OR6N1: variants seen among roughly 807,000 people sequenced by gnomAD.
The protein encoded by OR6N1 is olfactory receptor 6N1.
For synonymous variants in OR6N1, 170 were observed against 150.7 expected (o/e 1.13, Z -0.94); for missense variants, 394 against 371.7 (o/e 1.06, Z -0.49).
the OR6N1 span, among the ~76,000 whole-genome samples, chr1:158,779,461 G>C: frequency 6.6e-6 from 1 of 152,188 alleles, no homozygotes; most frequent in Non-Finnish European, 1.5e-5. Context: ...TTAATAATTA[G>C]TAGACCAATA....
At chr1:158,802,796 T>A in the OR6N1 span, among the ~76,000 whole-genome samples, 5 of 152,326 alleles carry the variant, frequency 3.3e-5, no homozygotes, top group South Asian at 1.0e-3. Context: ...TTACTTACAT[T>A]ATCACTACCA....
chr1:158,786,433 A>G, the OR6N1 span, among the ~76,000 whole-genome samples: 7 of 152,352 alleles, frequency 4.6e-5, no homozygotes, highest in African/African-American at 1.7e-4. Flanking sequence ...AAAAAACAGT[A>G]GGGAGATTCC....
chr1:158,802,961 A>G, the OR6N1 span, among the ~76,000 whole-genome samples: 1 of 152,164 alleles, frequency 6.6e-6, no homozygotes, highest in East Asian at 1.9e-4. Flanking sequence ...ACTTAGATGG[A>G]TATGGAGTCC....
At chr1:158,787,635 T>TCTCTCTCACACACACACACACA in the OR6N1 span, among the ~76,000 whole-genome samples, 320 of 134,172 alleles carry the variant, frequency 2.4e-3, 3 homozygotes, top group Admixed American at 4.4e-3. Context: ...TCTCTCTCTC[T>TCTCTCTCACACACACACACACA]CACACACACA....
chr1:158,822,187 G>C, the OR6N1 span, among the ~76,000 whole-genome samples: 1 of 152,072 alleles, frequency 6.6e-6, no homozygotes, highest in Non-Finnish European at 1.5e-5. Flanking sequence ...GGCTATTTGG[G>C]CTCTTTTTTG....
At chr1:158,818,322 G>A in the OR6N1 span, among the ~76,000 whole-genome samples, 9 of 152,140 alleles carry the variant, frequency 5.9e-5, no homozygotes, top group Non-Finnish European at 7.3e-5. Context: ...TTCTACTAAC[G>A]TTGGCAGTGG....
At chr1:158,792,766 G>A in the OR6N1 span, among the ~76,000 whole-genome samples, 1 of 152,130 alleles carries the variant, frequency 6.6e-6, no homozygotes, top group Non-Finnish European at 1.5e-5. Context: ...TAGTCTGATA[G>A]GTTTTCTTTT....
chr1:158,791,497 G>T, the OR6N1 span, among the ~76,000 whole-genome samples: 1 of 142,204 alleles, frequency 7.0e-6, no homozygotes, highest in African/African-American at 2.6e-5. Context: ...TTGAGACAGA[G>T]TCTCACTCTG....
the OR6N1 span, among the ~76,000 whole-genome samples, chr1:158,825,772 T>A: frequency 6.6e-6 from 1 of 152,328 alleles, no homozygotes; most frequent in African/African-American, 2.4e-5. Flanking sequence ...ATCCCATTAT[T>A]GGGTACATAC....
chr1:158,800,735 T>A, the OR6N1 span, among the ~76,000 whole-genome samples: 1 of 152,220 alleles, frequency 6.6e-6, no homozygotes, highest in African/African-American at 2.4e-5. Context: ...CATTTCAACA[T>A]CATTTTTCAA....
the OR6N1 span, among the ~76,000 whole-genome samples, chr1:158,780,481 C>T: frequency 6.6e-6 from 1 of 152,140 alleles, no homozygotes; most frequent in South Asian, 2.1e-4. Context: ...TGCTCCTCGA[C>T]TTACAAAGGG....
upstream of OR6N1, chr1:158,777,098 C>T: frequency 6.2e-7 from 1 of 1,614,092 alleles, no homozygotes; most frequent in Non-Finnish European, 8.5e-7. Context: ...GGTGGAAAGT[C>T]ACAGAAAATG....
chr1:158,806,656 T>C, the OR6N1 span, among the ~76,000 whole-genome samples: 1 of 152,192 alleles, frequency 6.6e-6, no homozygotes, highest in African/African-American at 2.4e-5. Flanking sequence ...AAATACTTAG[T>C]ATGTGTTATT....
the OR6N1 span, among the ~76,000 whole-genome samples, chr1:158,806,530 C>T: frequency 6.6e-6 from 1 of 152,138 alleles, no homozygotes; most frequent in East Asian, 1.9e-4. Context: ...TGCATATGAT[C>T]ACACAGCAAA....
the OR6N1 span, among the ~76,000 whole-genome samples, chr1:158,818,391 G>A: frequency 6.6e-6 from 1 of 152,266 alleles, no homozygotes; most frequent in Middle Eastern, 3.4e-3. Context: ...ATTTAAAAAA[G>A]GGTCAATTTT....
At chr1:158,835,399 T>C in the OR6N1 span, among the ~76,000 whole-genome samples, 7 of 152,096 alleles carry the variant, frequency 4.6e-5, no homozygotes, top group Non-Finnish European at 8.8e-5. Context: ...TTAATTTCCT[T>C]TTTGTTCGTT....
At chr1:158,833,060 T>G in the OR6N1 span, among the ~76,000 whole-genome samples, 10 of 152,220 alleles carry the variant, frequency 6.6e-5, no homozygotes, top group African/African-American at 2.2e-4. Flanking sequence ...CATCTTCTGG[T>G]CCCCCAAACA....
At chr1:158,828,811 C>T in the OR6N1 span, among the ~76,000 whole-genome samples, 5 of 152,232 alleles carry the variant, frequency 3.3e-5, no homozygotes, top group Admixed American at 6.5e-5. Flanking sequence ...TCCGCCTCTA[C>T]AGCAAACTTC....
chr1:158,830,393 G>A, the OR6N1 span, among the ~76,000 whole-genome samples: 1 of 152,080 alleles, frequency 6.6e-6, no homozygotes, highest in Admixed American at 6.5e-5. Context: ...TGCTGGTTTG[G>A]ATTAAGACAA....
Sources: gnomAD v4.1 joint callset for allele counts (sites outside exome capture counted in the v4.1 genomes callset) on GRCh38, gnomAD v4.1.1 for gene constraint, MANE v1.5 for transcripts, NCBI Gene and HGNC (gene_info 2026-07-23, HGNC 2026-07-21) for gene names.